NTF3: variants seen among roughly 807,000 people sequenced by gnomAD.
The protein encoded by NTF3 is neurotrophin 3.
In NTF3, 8 loss-of-function variants were observed where a neutral mutation model predicts 26.3. That is an observed-to-expected ratio of 0.30 (90% CI 0.18 to 0.55). The LOEUF (loss-of-function observed/expected upper bound fraction) is 0.55. Among genes scored for constraint, NTF3 ranks in the 20% least tolerant of loss-of-function variants. The pLI is 0.93. For missense variants in NTF3, 276 were observed against 352.9 expected, an observed-to-expected ratio of 0.78 and a Z score of 1.75; for synonymous variants, 154 against 145.5, an observed-to-expected ratio of 1.06 and a Z score of -0.42.
At chr12:5,441,191 A>G (rs1020108407) in intron 1 of NTF3, among the ~76,000 whole-genome samples, 9 of 152,192 alleles carry the variant, frequency 5.9e-5, no homozygotes, top group African/African-American at 2.2e-4. Context: ...ACTAGGTCTC[A>G]CTTCCTCATC....
Position 5,432,250 on chromosome 12 carries a change from G to T in NTF3, c.-75G>T. On this transcript the variant is annotated 5_prime_UTR_variant, in exon 1 of 2. Coordinates refer to ENST00000423158, the MANE Select transcript of NTF3 (RefSeq NM_001102654.2). ...GGGTAGTGGCTGCGGCGGGGTGGGGGAGACTTTGAATGACCGAGCTCGCGT... is the reference window on the plus strand; with the variant it reads ...GGGTAGTGGCTGCGGCGGGGTGGGGTAGACTTTGAATGACCGAGCTCGCGT... 1 of 1,527,818 alleles carries T rather than the reference G, an allele frequency of 6.5e-7. No homozygotes were observed. The highest frequency in any genetic ancestry group is 1.1e-5 in the South Asian group (1 of 89,158). The allele number at this position is 1,527,818 out of a possible 1,614,324, so 94.6% of individuals were successfully genotyped here.
At chr12:5,478,503 C>T (rs1940750746) in intron 1 of NTF3, among the ~76,000 whole-genome samples, 1 of 152,274 alleles carries the variant, frequency 6.6e-6, no homozygotes, top group Non-Finnish European at 1.5e-5. Context: ...ATGTGACTCA[C>T]TTCGCATTGT....
rs1344272365 is a variant in NTF3 at position 5,485,223 on chromosome 12, A to C, written c.19-8971A>C. On this transcript the variant is annotated intron_variant, in intron 1 of 1. Transcript: ENST00000423158. The stretch of plus-strand genomic sequence containing the variant: ...GCCTTAGACTGGAAATTTCCCCTTT[A>C]TGTTTCAGAGGATCTGTCTTGAATG... 5.9e-5 allele frequency among the ~76,000 whole-genome samples: 9 copies of C among 152,184 alleles called. No homozygotes were observed. In the East Asian group the frequency reaches 1.7e-3, roughly 29 times the overall value.
chr12:5,487,212 G>A (rs1009649046), intron 1 of NTF3, among the ~76,000 whole-genome samples: 2 of 152,204 alleles, frequency 1.3e-5, no homozygotes, highest in Non-Finnish European at 1.5e-5. Flanking sequence ...TTGGCCTGGG[G>A]AATAACTGTC....
At chr12:5,457,101 G>T (rs768170728) in intron 1 of NTF3, among the ~76,000 whole-genome samples, 2 of 152,198 alleles carry the variant, frequency 1.3e-5, no homozygotes, top group Non-Finnish European at 2.9e-5. Flanking sequence ...GAGGAAACAG[G>T]AAGTGCTTTG....
chr12:5,435,337 A>C (rs1035470712), intron 1 of NTF3, among the ~76,000 whole-genome samples: 1 of 152,304 alleles, frequency 6.6e-6, no homozygotes, highest in African/African-American at 2.4e-5. Context: ...CCCTGGAAAA[A>C]TTCCTTCTCC....
At chr12:5,460,610 A>G (rs1940512869) in intron 1 of NTF3, among the ~76,000 whole-genome samples, 1 of 152,306 alleles carries the variant, frequency 6.6e-6, no homozygotes. Context: ...ACTGCTTGGC[A>G]TAGAATAGGT....
rs73259379 is a variant in NTF3, at chr12:5,486,832, T to A, written c.19-7362T>A. ...TTTCAAATTTTTCAAAATTCAAAAA[T>A]TTGAAAATAGTTCGACTAGAGCCCA... On this transcript the variant is annotated intron_variant, in intron 1 of 1. Transcript: ENST00000423158. Among the ~76,000 whole-genome samples, 1,072 of 152,160 alleles carry A rather than the reference T, an allele frequency of 7.0e-3. 13 individuals are homozygous for A. The highest frequency in any genetic ancestry group is 0.023 in the African/African-American group (953 of 41,466).
rs1940976248 is a variant in NTF3, at chr12:5,494,371, G to A, written c.196G>A (p.Val66Met). Residue 66 changes from valine to methionine, a missense_variant, in exon 2 of 2, where the codon GTG becomes ATG. Val to Met is a conservative substitution (Grantham distance 21). Around this residue, in one of 3 missense-constraint regions of NTF3, gnomAD observed 221 missense variants for 258.2 expected, o/e 0.86. Transcript: ENST00000423158. The surrounding 1 kb of genome is among the most constrained non-coding windows in gnomAD (Gnocchi z 8.3). ...ILKNKLSKQMVDVKENYQSTL... is the reference protein window; with the variant it reads ...ILKNKLSKQMMDVKENYQSTL... Reference sequence around the variant, plus strand: ...GAAAAACAAGCTCTCCAAGCAGATGGTGGACGTTAAGGAAAATTACCAGAG... The same window carrying A: ...GAAAAACAAGCTCTCCAAGCAGATGATGGACGTTAAGGAAAATTACCAGAG... The A allele has an allele frequency of 6.2e-7, 1 of 1,613,900 alleles. No individual in the cohort carries two copies. Among genetic ancestry groups the A allele is most frequent in the African/African-American group, 1.3e-5 (1 of 74,874 alleles).
At chr12:5,447,734 G>A (rs1005891793) in intron 1 of NTF3, among the ~76,000 whole-genome samples, 1 of 152,206 alleles carries the variant, frequency 6.6e-6, no homozygotes, top group Non-Finnish European at 1.5e-5. Context: ...GCTCTGTTGG[G>A]AAGACGGCTC....
At chr12:5,463,059 G>A (rs983673561) in intron 1 of NTF3, among the ~76,000 whole-genome samples, 1 of 152,160 alleles carries the variant, frequency 6.6e-6, no homozygotes, top group Non-Finnish European at 1.5e-5. Flanking sequence ...ATCCAGGGTT[G>A]GAAGACTGGA....
chr12:5,475,854 AAGAGAGAGAG>A (rs71064158), intron 1 of NTF3, among the ~76,000 whole-genome samples: 2 of 146,688 alleles, frequency 1.4e-5, no homozygotes, highest in African/African-American at 2.5e-5. Context: ...AAAAAGAAGA[AAGAGAGAGAG>A]AGAGAGAGAG....
chr12:5,481,893 CACA>C (rs745564755), intron 1 of NTF3, among the ~76,000 whole-genome samples: 1 of 151,756 alleles, frequency 6.6e-6, no homozygotes, highest in Non-Finnish European at 1.5e-5. Flanking sequence ...CATACATATA[CACA>C]ACACACAGAC....
intron 1 of NTF3, among the ~76,000 whole-genome samples, chr12:5,438,542 G>A (rs566702609): frequency 6.6e-6 from 1 of 151,798 alleles, no homozygotes; most frequent in South Asian, 2.1e-4. Flanking sequence ...CTCCAGAGAA[G>A]ACATTTGTTG....
intron 1 of NTF3, among the ~76,000 whole-genome samples, chr12:5,481,813 C>A (rs1940806909): frequency 1.4e-5 from 2 of 146,990 alleles, no homozygotes; most frequent in Admixed American, 1.4e-4. Flanking sequence ...CATACAGAGA[C>A]ACATGCACAC....
intron 1 of NTF3, among the ~76,000 whole-genome samples, chr12:5,460,943 G>A (rs1413918793): frequency 6.6e-6 from 1 of 152,198 alleles, no homozygotes; most frequent in African/African-American, 2.4e-5. Context: ...TTTAATGGCA[G>A]GTGGTGTTAG....
At chr12:5,475,344 G>A (rs1940709625) in intron 1 of NTF3, among the ~76,000 whole-genome samples, 1 of 152,170 alleles carries the variant, frequency 6.6e-6, no homozygotes, top group African/African-American at 2.4e-5. Flanking sequence ...GGTATTCTAG[G>A]TGGGGCTGTT....
At chr12:5,479,630 A>C (rs916505629) in intron 1 of NTF3, among the ~76,000 whole-genome samples, 2 of 152,120 alleles carry the variant, frequency 1.3e-5, no homozygotes, top group Admixed American at 1.3e-4. Context: ...CCCATCCCTC[A>C]CCTACTCTGT....
At chr12:5,447,595 AC>A (rs1361470491) in intron 1 of NTF3, among the ~76,000 whole-genome samples, 1 of 152,222 alleles carries the variant, frequency 6.6e-6, no homozygotes, top group African/African-American at 2.4e-5. Flanking sequence ...AATAAACCCT[AC>A]CTACTTAACA....
Sources: allele counts gnomAD v4.1 joint callset (sites outside exome capture counted in the v4.1 genomes callset), GRCh38; gene constraint gnomAD v4.1.1; regional missense constraint gnomAD v4.1.1; non-coding constraint Gnocchi (gnomAD v3.1); transcripts MANE v1.5; gene names NCBI Gene and HGNC (gene_info 2026-07-23, HGNC 2026-07-21).